FREM3: variants seen among roughly 807,000 people sequenced by gnomAD.
FREM3 encodes the protein FRAS1 related extracellular matrix 3, also known as FRAS1-related extracellular matrix protein 3.
FREM3 carries 105 observed loss-of-function variants against 129.1 expected under a neutral mutation model. The observed-to-expected ratio is 0.81, with a 90% CI of 0.69 to 0.96. The LOEUF (loss-of-function observed/expected upper bound fraction) is 0.96. FREM3 is among the 40% of genes least tolerant of loss of function. FREM3 has a pLI of 0.00. For synonymous variants in FREM3, 1,014 were observed against 1,044.9 expected (o/e 0.97, Z 0.57); for missense variants, 2,593 against 2,666.3 (o/e 0.97, Z 0.61).
chr4:143,627,733 A>G lies in FREM3; in HGVS notation c.5303T>C (p.Phe1768Ser), dbSNP rs1739066910. 5 of 1,535,786 alleles carry G rather than the reference A, an allele frequency of 3.3e-6. No individual in the cohort carries two copies. ...ACAAATCCAAGCCCAGTTTAGATGGAAAGGCTGATTTGTTAGTTTATTTCC... is the reference window on the plus strand; with the variant it reads ...ACAAATCCAAGCCCAGTTTAGATGGGAAGGCTGATTTGTTAGTTTATTTCC... ...NGGNKLTNQPFHLNWAWICLE... is the reference protein window; with the variant it reads ...NGGNKLTNQPSHLNWAWICLE... Residue 1768 changes from phenylalanine to serine, a missense_variant, in exon 3 of 8, where the codon TTC (phenylalanine) becomes TCC (serine). Phe to Ser is a radical substitution (Grantham distance 155). Around this residue, in one of 2 missense-constraint regions of FREM3, gnomAD observed 2,276 missense variants for 2,267.2 expected, o/e 1.00. Coordinates refer to ENST00000329798, the MANE Select transcript of FREM3 (RefSeq NM_001168235.2).
chr4:143,666,987 C>T (rs898486068), intron 2 of FREM3, among the ~76,000 whole-genome samples: 4 of 151,930 alleles, frequency 2.6e-5, no homozygotes, highest in Non-Finnish European at 2.9e-5. Flanking sequence ...CTCAAGAAAA[C>T]TGTTAAACAA....
intron 2 of FREM3, among the ~76,000 whole-genome samples, chr4:143,650,466 G>T (rs1739490958): frequency 6.6e-6 from 1 of 152,146 alleles, no homozygotes; most frequent in Non-Finnish European, 1.5e-5. Context: ...AGTCTTCTGT[G>T]AATGGTGAAC....
At chr4:143,672,380 C>T (rs1285914834) in intron 2 of FREM3, among the ~76,000 whole-genome samples, 3 of 152,312 alleles carry the variant, frequency 2.0e-5, no homozygotes, top group South Asian at 2.1e-4. Flanking sequence ...AAAAGCTAAT[C>T]TTGGAATAAA....
intron 5 of FREM3, among the ~76,000 whole-genome samples, chr4:143,619,113 C>T (rs1158216850): frequency 6.6e-6 from 1 of 152,136 alleles, no homozygotes; most frequent in East Asian, 1.9e-4. Flanking sequence ...TTTAACTGGG[C>T]CTGCTTGAGT....
In FREM3 at chr4:143,695,685, G is replaced by A; in HGVS notation, c.4991C>T (p.Thr1664Ile). 6.5e-7 allele frequency: 1 copy of A among 1,537,220 alleles called. No individual in the cohort carries two copies. Among genetic ancestry groups the A allele is most frequent in the Non-Finnish European group, 8.7e-7 (1 of 1,146,902 alleles). The change falls in exon 1 of 8, where the codon ACC (threonine) becomes ATC (isoleucine). Residue 1664 changes from threonine (T) to isoleucine (I), a missense_variant. Thr to Ile is a moderately conservative substitution (Grantham distance 89, BLOSUM62 -1). Around this residue, in one of 2 missense-constraint regions of FREM3, gnomAD observed 2,276 missense variants for 2,267.2 expected, o/e 1.00. Transcript: ENST00000329798. ...CTTCAAGGCTGGGGCACCCCTGTTG[G>A]TAGTAATCTGGGGAAGCCTATTGTC... ...SLDNRLPQIT[T>I]NRGAPALKRL...
At chr4:143,692,594 C>T (rs1287929648) in intron 2 of FREM3, among the ~76,000 whole-genome samples, 2 of 152,074 alleles carry the variant, frequency 1.3e-5, no homozygotes. Context: ...AGTAGACAGA[C>T]CAAGCTGCAG....
rs1740630738 is a variant in FREM3, at chr4:143,698,749, T to A, written c.1927A>T (p.Thr643Ser). ...EKEGLYEKVVTEWLQRDIMEG... is the reference protein window; with the variant it reads ...EKEGLYEKVVSEWLQRDIMEG... ...ATTATGTCTCTCTGTAGCCACTCAG[T>A]CACCACTTTCTCATAAAGCCCTTCC... Residue 643 changes from threonine (T) to serine (S), a missense_variant, in exon 1 of 8, where the codon ACT becomes TCT. Transcript: ENST00000329798. 6.5e-7 allele frequency: 1 copy of A among 1,537,442 alleles called. No individual in the cohort carries two copies. The highest frequency in any genetic ancestry group is 1.4e-5 in the African/African-American group (1 of 73,140).
chr4:143,650,549 G>A (rs114764031), intron 2 of FREM3, among the ~76,000 whole-genome samples: 1 of 152,258 alleles, frequency 6.6e-6, no homozygotes, highest in African/African-American at 2.4e-5. Flanking sequence ...GGAGTGCAGT[G>A]GCACACTCAT....
intron 2 of FREM3, among the ~76,000 whole-genome samples, chr4:143,669,265 ACT>A (rs1489464465): frequency 3.3e-5 from 5 of 152,124 alleles, no homozygotes; most frequent in Non-Finnish European, 4.4e-5. Context: ...ACAGATCATA[ACT>A]CTATTCTTAG....
chr4:143,603,403 C>T (rs1056928933), intron 6 of FREM3, among the ~76,000 whole-genome samples: 3 of 152,112 alleles, frequency 2.0e-5, no homozygotes, highest in East Asian at 1.9e-4. Context: ...GGGATAAAAA[C>T]CAGTGGCAAT....
At chr4:143,611,553 G>A in intron 5 of FREM3, 26 bp from the exon 6 acceptor site, 1 of 1,530,334 alleles carries the variant, frequency 6.5e-7, no homozygotes, top group South Asian at 1.2e-5. Context: ...AAGGAACAGG[G>A]AGGTTAAGAA....
chr4:143,663,050 G>T (rs1739769644), intron 2 of FREM3, among the ~76,000 whole-genome samples: 1 of 152,014 alleles, frequency 6.6e-6, no homozygotes, highest in African/African-American at 2.4e-5. Flanking sequence ...TTGCCACTCT[G>T]CGTCTTTTAA....
intron 2 of FREM3, among the ~76,000 whole-genome samples, chr4:143,663,155 G>T (rs1739774365): frequency 1.3e-5 from 2 of 152,104 alleles, no homozygotes; most frequent in Non-Finnish European, 2.9e-5. Flanking sequence ...TTGCTCGTTA[G>T]TTGATGCAGT....
At chr4:143,658,761 C>T (rs1739644773) in intron 2 of FREM3, among the ~76,000 whole-genome samples, 1 of 152,112 alleles carries the variant, frequency 6.6e-6, no homozygotes, top group Non-Finnish European at 1.5e-5. Context: ...TATGTGTGGC[C>T]CAAGACAATT....
rs1398008888 is a variant in FREM3, at chr4:143,699,102, T to C, written c.1574A>G (p.His525Arg). 2.6e-6 allele frequency: 4 copies of C among 1,537,358 alleles called. No individual in the cohort carries two copies. Among genetic ancestry groups the C allele is most frequent in the African/African-American group, 1.4e-5 (1 of 73,092 alleles). ...DNIIFRMEDG[H>R]HQVDFLFPLT... ...GGGAAAGAGGAAGTCCACTTGGTGG[T>C]GCCCGTCCTCCATCCGGAAGATGAT... Residue 525 changes from histidine to arginine, a missense_variant, in exon 1 of 8, where the codon CAC (histidine) becomes CGC (arginine). Around this residue, in one of 2 missense-constraint regions of FREM3, gnomAD observed 2,276 missense variants for 2,267.2 expected, o/e 1.00. Transcript: ENST00000329798. This position sits in a 1 kb window ranked among gnomAD's most constrained non-coding sequence, Gnocchi z 4.2.
At chr4:143,676,692 A>T (rs991836965) in intron 2 of FREM3, among the ~76,000 whole-genome samples, 1 of 152,210 alleles carries the variant, frequency 6.6e-6, no homozygotes, top group African/African-American at 2.4e-5. Context: ...ACTTCAGCAA[A>T]GTCTCAGGAT....
intron 2 of FREM3, among the ~76,000 whole-genome samples, chr4:143,654,252 G>C (rs900516592): frequency 1.3e-5 from 2 of 152,106 alleles, no homozygotes; most frequent in Non-Finnish European, 1.5e-5. Flanking sequence ...ACAGGTTTGT[G>C]CCACCACGGC....
chr4:143,686,082 A>G (rs1471632800), intron 2 of FREM3, among the ~76,000 whole-genome samples: 1 of 152,194 alleles, frequency 6.6e-6, no homozygotes, highest in East Asian at 1.9e-4. Flanking sequence ...CGGGAGACTC[A>G]GCTAGCACAT....
intron 2 of FREM3, among the ~76,000 whole-genome samples, chr4:143,644,207 G>A (rs2149846934): frequency 6.6e-6 from 1 of 152,124 alleles, no homozygotes; most frequent in South Asian, 2.1e-4. Flanking sequence ...GTGTGCGCGT[G>A]TGCATTTGCA....
Sources: allele counts gnomAD v4.1 joint callset (sites outside exome capture counted in the v4.1 genomes callset), GRCh38; gene constraint gnomAD v4.1.1; regional missense constraint gnomAD v4.1.1; non-coding constraint Gnocchi (gnomAD v3.1); transcripts MANE v1.5; gene names NCBI Gene and HGNC (gene_info 2026-07-23, HGNC 2026-07-21).